Variants in FAM167A observed in about 807,000 individuals in gnomAD.
FAM167A encodes protein FAM167A.
In FAM167A, 23 loss-of-function variants were observed where a neutral mutation model predicts 14.9. The ratio of observed to expected loss-of-function variants is 1.55; its 90% CI spans 1.11 to 2.19. The LOEUF (loss-of-function observed/expected upper bound fraction) is 2.19, where lower values mean the gene tolerates loss of function less well. Ranked by LOEUF, FAM167A falls within the 30% of genes most tolerant of loss-of-function variation. The pLI is 0.00. For missense variants in FAM167A, 401 were observed against 281.5 expected, an observed-to-expected ratio of 1.42 and a Z score of -3.04; for synonymous variants, 174 against 117.7, an observed-to-expected ratio of 1.48 and a Z score of -3.10.
chr8:11,421,730 T>C lies in FAM167A; in HGVS notation c.*2643A>G, dbSNP rs199711571. The C allele has an allele frequency of 7.5e-6, 3 of 398,676 alleles. No individual in the cohort carries two copies. The East Asian group carries it at 1.1e-4, about 14-fold the overall frequency. 24.7% of individuals were successfully genotyped at this position (398,676 alleles called of 1,614,324 possible). On this transcript the variant is annotated 3_prime_UTR_variant, in exon 3 of 3. Transcript: ENST00000284486. ...ACATGACCACGCATGGCAGTGTCGGTGGAGAGTTTGCGTTTTACACCCAGC... is the reference window on the plus strand; with the variant it reads ...ACATGACCACGCATGGCAGTGTCGGCGGAGAGTTTGCGTTTTACACCCAGC...
intron 2 of FAM167A, among the ~76,000 whole-genome samples, chr8:11,425,187 G>C (rs1805052287): frequency 1.3e-5 from 2 of 152,168 alleles, no homozygotes; most frequent in Middle Eastern, 3.2e-3. Flanking sequence ...TGGTTCCTAG[G>C]TACTGGGTGT....
At chr8:11,448,286 A>G (rs1806873211) in intron 1 of FAM167A, among the ~76,000 whole-genome samples, 1 of 152,092 alleles carries the variant, frequency 6.6e-6, no homozygotes. Flanking sequence ...GCCCACAGCC[A>G]TGAGGCTAGT....
chr8:11,444,897 G>C (rs1303697132), intron 1 of FAM167A, 89 bp from the exon 2 acceptor site: 7 of 944,854 alleles, frequency 7.4e-6, no homozygotes, highest in African/African-American at 5.3e-5. Flanking sequence ...GGGAAACTGA[G>C]GCTCAGAGTG....
intron 1 of FAM167A, among the ~76,000 whole-genome samples, chr8:11,473,334 G>T (rs1808020143): frequency 6.6e-6 from 1 of 152,164 alleles, no homozygotes; most frequent in African/African-American, 2.4e-5. Context: ...CATCAGGAAG[G>T]CCGAGACATG....
At chr8:11,456,626 C>T (rs190658426) in intron 1 of FAM167A, among the ~76,000 whole-genome samples, 12 of 149,502 alleles carry the variant, frequency 8.0e-5, no homozygotes, top group East Asian at 2.0e-4. Context: ...TGTGAATATA[C>T]GAGTGTGAGG....
At chr8:11,468,907 T>C (rs991149987), upstream of FAM167A, among the ~76,000 whole-genome samples, 2 of 152,118 alleles carry the variant, frequency 1.3e-5, no homozygotes, top group African/African-American at 2.4e-5. Flanking sequence ...AGGAGGGTAA[T>C]CAGTGATGGG....
At chr8:11,440,102 G>A (rs28668864) in intron 2 of FAM167A, among the ~76,000 whole-genome samples, 14,362 of 152,172 alleles carry the variant, frequency 0.094, 884 homozygotes, top group African/African-American at 0.17. Flanking sequence ...ACCTTCTGGG[G>A]ACCTGAGCAG....
intron 2 of FAM167A, 21 bp from the exon 3 acceptor site, chr8:11,424,657 G>C: frequency 1.2e-6 from 2 of 1,611,094 alleles, no homozygotes; most frequent in Non-Finnish European, 1.7e-6. Context: ...GGGGGAGCAG[G>C]CAGGGTCAGC....
At chr8:11,452,758 A>T (rs1307568003) in intron 1 of FAM167A, among the ~76,000 whole-genome samples, 5 of 152,210 alleles carry the variant, frequency 3.3e-5, no homozygotes, top group African/African-American at 1.2e-4. Flanking sequence ...CCTGGCCCAG[A>T]AAAAAGGGTG....
intron 1 of FAM167A, among the ~76,000 whole-genome samples, chr8:11,450,911 C>CAA (rs1370531214): frequency 6.6e-6 from 1 of 152,148 alleles, no homozygotes; most frequent in Non-Finnish European, 1.5e-5. Flanking sequence ...TGCAGTGGGA[C>CAA]AAAGACAGGA....
intron 1 of FAM167A, among the ~76,000 whole-genome samples, chr8:11,462,592 G>A (rs966605308): frequency 1.4e-5 from 2 of 146,854 alleles, no homozygotes. Context: ...CAGCAACCTC[G>A]CCAGACTGCA....
At chr8:11,425,872 C>T (rs902133863) in intron 2 of FAM167A, among the ~76,000 whole-genome samples, 1 of 152,114 alleles carries the variant, frequency 6.6e-6, no homozygotes, top group Admixed American at 6.5e-5. Flanking sequence ...TTTGAAATGG[C>T]CCTGCAAAAC....
chr8:11,426,539 G>C (rs1435892164), intron 2 of FAM167A, among the ~76,000 whole-genome samples: 1 of 152,170 alleles, frequency 6.6e-6, no homozygotes, highest in African/African-American at 2.4e-5. Context: ...TCTGAGACAG[G>C]TGTCAACAAT....
intron 2 of FAM167A, 39 bp downstream of exon 2, chr8:11,443,992 T>C (rs1259008530): frequency 1.3e-6 from 2 of 1,575,356 alleles, no homozygotes; most frequent in East Asian, 4.5e-5. Context: ...GACGGTGGCA[T>C]CTCCTCTTTT....
At chr8:11,456,008 T>G (rs1585273557) in intron 1 of FAM167A, among the ~76,000 whole-genome samples, 2 of 92,704 alleles carry the variant, frequency 2.2e-5, no homozygotes, top group Non-Finnish European at 4.1e-5. Flanking sequence ...TGAGTGGGAG[T>G]GTAGGGTGGT....
At chr8:11,452,290 G>A (rs552681842) in intron 1 of FAM167A, among the ~76,000 whole-genome samples, 10 of 152,216 alleles carry the variant, frequency 6.6e-5, no homozygotes, top group Non-Finnish European at 1.2e-4. Context: ...TCCTTGCTCT[G>A]CTCCTCTGGC....
chr8:11,454,135 G>T (rs1447308263), intron 1 of FAM167A, among the ~76,000 whole-genome samples: 3 of 152,356 alleles, frequency 2.0e-5, no homozygotes, highest in Middle Eastern at 3.4e-3. Context: ...TGGGGGATGG[G>T]ATGTCTTTAG....
intron 1 of FAM167A, among the ~76,000 whole-genome samples, chr8:11,456,104 G>C (rs1807271866): frequency 7.1e-6 from 1 of 141,082 alleles, no homozygotes; most frequent in African/African-American, 2.7e-5. Context: ...CTTGCTGTGT[G>C]TGTGTGTGAA....
intron 2 of FAM167A, among the ~76,000 whole-genome samples, chr8:11,425,342 G>A (rs946547917): frequency 8.5e-5 from 13 of 152,142 alleles, no homozygotes; most frequent in African/African-American, 2.2e-4. Flanking sequence ...TAGCTGTGTC[G>A]GCTCACAAAG....
Sources: allele counts gnomAD v4.1 joint callset (sites outside exome capture counted in the v4.1 genomes callset), GRCh38; gene constraint gnomAD v4.1.1; transcripts MANE v1.5; gene names NCBI Gene and HGNC (gene_info 2026-07-23, HGNC 2026-07-21).